Variants in RCC1L observed in about 807,000 individuals in gnomAD.
RCC1L encodes the protein RCC1 like, also known as RCC1-like G exchanging factor-like protein.
In RCC1L, 46 loss-of-function variants were observed where a neutral mutation model predicts 58.6. The ratio of observed to expected loss-of-function variants is 0.79; its 90% CI spans 0.62 to 1.00. The LOEUF is 1.00. RCC1L is among the 50% of genes least tolerant of loss of function. The probability of loss-of-function intolerance (pLI) is 0.00; values close to 1 mark genes in which losing one functional copy is unlikely to be tolerated. For missense variants in RCC1L, 636 were observed against 623.6 expected (o/e 1.02, Z -0.21); for synonymous variants, 281 against 262.9 (o/e 1.07, Z -0.67).
At chr7:75,028,062 G>A in exon 11 of RCC1L, 2 of 1,534,404 alleles carry the variant, frequency 1.3e-6, no homozygotes, top group Non-Finnish European at 1.7e-6. Context: ...TCTTGGCGCT[G>A]GCGGATGGGG....
chr7:75,041,653 G>A (rs1805569075), downstream of RCC1L, among the ~76,000 whole-genome samples: 1 of 152,008 alleles, frequency 6.6e-6, no homozygotes, highest in Non-Finnish European at 1.5e-5. Context: ...GAGGTCAGGA[G>A]TTCAAGACCA....
intron 10 of RCC1L, among the ~76,000 whole-genome samples, chr7:75,051,022 A>G (rs934114530): frequency 2.0e-5 from 3 of 152,054 alleles, no homozygotes; most frequent in African/African-American, 7.2e-5. Context: ...GAGCCCAGGA[A>G]GGTCAAGGCT....
chr7:75,069,013 C>T (rs1315735028), intron 2 of RCC1L, among the ~76,000 whole-genome samples: 5 of 151,880 alleles, frequency 3.3e-5, no homozygotes, highest in South Asian at 2.1e-4. Context: ...GGATTACAGG[C>T]GCGCGCCTCC....
chr7:75,051,091 T>C (rs1193419185), intron 10 of RCC1L, among the ~76,000 whole-genome samples: 6 of 151,372 alleles, frequency 4.0e-5, no homozygotes, highest in African/African-American at 1.5e-4. Flanking sequence ...TGAGACCCTG[T>C]CTCATAATAA....
At chr7:75,043,707 C>T (rs1256548168) in intron 10 of RCC1L, among the ~76,000 whole-genome samples, 3 of 152,216 alleles carry the variant, frequency 2.0e-5, no homozygotes, top group African/African-American at 4.8e-5. Context: ...CCCAGCTACT[C>T]GGGAGGCTGA....
At chr7:75,032,766 G>A (rs1168591701) in intron 10 of RCC1L, among the ~76,000 whole-genome samples, 1 of 152,018 alleles carries the variant, frequency 6.6e-6, no homozygotes, top group African/African-American at 2.4e-5. Context: ...CTGTCGCTCG[G>A]GCCTTCAGAT....
At chr7:75,072,149 C>CATATATATATATATATATATAT (rs1373236031) in intron 1 of RCC1L, among the ~76,000 whole-genome samples, 2 of 35,894 alleles carry the variant, frequency 5.6e-5, no homozygotes, top group Admixed American at 4.6e-4. Context: ...TATACATATA[C>CATATATATATATATATATATAT]ATATACATAT....
chr7:75,028,295 A>G (rs1037679664), intron 10 of RCC1L, among the ~76,000 whole-genome samples: 59 of 151,854 alleles, frequency 3.9e-4, no homozygotes, highest in Middle Eastern at 3.4e-3. Flanking sequence ...TAATTTTTGT[A>G]TTTTTGGTAG....
At chr7:75,052,889 C>A (rs587726672) in intron 9 of RCC1L, 93 bp from the exon 10 acceptor site, 69 of 1,185,766 alleles carry the variant, frequency 5.8e-5, no homozygotes, top group Admixed American at 4.5e-4. Context: ...TTTCTAGAAC[C>A]AGATACCTAC....
chr7:75,073,432 G>A lies in RCC1L; in HGVS notation c.306C>T (p.Arg102=), dbSNP rs1213738764. Residue 102 remains arginine (R), a synonymous_variant, in exon 1 of 11, where the codon CGC becomes CGT. Coordinates refer to ENST00000610322, the MANE Select transcript of RCC1L (RefSeq NM_030798.5). ...CCTGCACCTTTTGGTCCAGCTCCAG[G>A]CGATAGGGCACGGGCTGGATCCTGC... The part of the protein sequence containing the change: ...PRRRIQPVPY[R]LELDQKISSA... 2 of 1,324,246 alleles carry A rather than the reference G, an allele frequency of 1.5e-6. No individual in the cohort carries two copies. Among genetic ancestry groups the A allele is most frequent in the Admixed American group, 4.0e-5 (1 of 25,016 alleles). The allele number at this position is 1,324,246 out of a possible 1,614,324, so 82.0% of individuals were successfully genotyped here.
chr7:75,052,541 G>A (rs1805943880), intron 10 of RCC1L, among the ~76,000 whole-genome samples, 170 bp downstream of exon 10: 1 of 152,210 alleles, frequency 6.6e-6, no homozygotes, highest in Non-Finnish European at 1.5e-5. Context: ...TGTCACCACA[G>A]AGTGTGCAAT....
chr7:75,047,666 G>A (rs1159763106), intron 10 of RCC1L, among the ~76,000 whole-genome samples: 6 of 151,184 alleles, frequency 4.0e-5, no homozygotes, highest in African/African-American at 1.5e-4. Context: ...ATATTTTTTG[G>A]AGACAGAGTA....
At position 75,055,977 on chromosome 7, in the gene RCC1L, A is replaced by G. The variant is rs1406439350; in HGVS notation, c.1155T>C (p.Phe385=). ...TTTCTGGGTTGAACTCCGTCAAGCC[A>G]AAGAGAGTGGGTGGAATCATTTCAG... ...AVPEMIPPTL[F]GLTEFNPEIQ... is the part of the protein sequence containing the mutation. The change falls in exon 9 of 11, where the codon TTT becomes TTC. Residue 385 remains phenylalanine (F), a synonymous_variant. Coordinates refer to ENST00000610322, the MANE Select transcript of RCC1L (RefSeq NM_030798.5). The G allele has an allele frequency of 3.1e-6, 5 of 1,613,856 alleles. No homozygotes were observed. The highest frequency in any genetic ancestry group is 4.5e-5 in the East Asian group (2 of 44,888).
In RCC1L at chr7:75,058,713, C is replaced by T. The variant is rs1806166886; in HGVS notation, c.844G>A (p.Gly282Arg). ...GTGGCAACTTGGATAACGTTCACTC[C>T]CGCCAGGTCTCCACCCAGCTTGGTG... ...SPTKLGGDLA[G>R]VNVIQVATYG... Residue 282 changes from glycine to arginine, a missense_variant, in exon 7 of 11, where the codon GGA becomes AGA. Transcript: ENST00000610322. 2 of 1,613,842 alleles carry T rather than the reference C, an allele frequency of 1.2e-6. No individual in the cohort carries two copies. Among genetic ancestry groups the T allele is most frequent in the Non-Finnish European group, 1.7e-6 (2 of 1,179,868 alleles).
At chr7:75,054,308 G>C (rs1806011459) in intron 9 of RCC1L, among the ~76,000 whole-genome samples, 1 of 152,118 alleles carries the variant, frequency 6.6e-6, no homozygotes, top group South Asian at 2.1e-4. Flanking sequence ...ATCTGCAAAT[G>C]CCAGGCACAC....
chr7:75,073,799 T>A lies in RCC1L; in HGVS notation c.-62A>T. The A allele has an allele frequency of 6.7e-7, 1 of 1,499,744 alleles. No homozygotes were observed. The allele number at this position is 1,499,744 out of a possible 1,614,324, so 92.9% of individuals were successfully genotyped here. On this transcript the variant is annotated 5_prime_UTR_variant, in exon 1 of 11. Coordinates refer to ENST00000610322, the MANE Select transcript of RCC1L (RefSeq NM_030798.5). ...CATCTTGCGTGACCCTTAACACCAG[T>A]CCTCGCCGGAAGAGGCTACGGCCAC...
intron 10 of RCC1L, among the ~76,000 whole-genome samples, chr7:75,050,633 C>T (rs1451174009): frequency 6.6e-6 from 1 of 152,182 alleles, no homozygotes; most frequent in African/African-American, 2.4e-5. Context: ...AGAGAGGAGT[C>T]AGTGAGAAAG....
rs1806402657 is a variant in RCC1L, at chr7:75,064,736, C to T, written c.584-88G>A. The T allele has an allele frequency of 2.8e-6, 4 of 1,450,112 alleles. No homozygotes were observed. In the South Asian group the frequency reaches 3.4e-5, roughly 12 times the overall value. 89.8% of individuals were successfully genotyped at this position (1,450,112 alleles called of 1,614,324 possible). Reference sequence around the variant, plus strand: ...CTGGAAGGGGTCTCGCTGGTGGTCCCGTCCTGGTTACTCACCCCCACCCCC... The same window carrying T: ...CTGGAAGGGGTCTCGCTGGTGGTCCTGTCCTGGTTACTCACCCCCACCCCC... On this transcript the variant is annotated intron_variant, in intron 3 of 10. Coordinates refer to ENST00000610322, the MANE Select transcript of RCC1L (RefSeq NM_030798.5).
At chr7:75,069,066 A>G (rs587631510) in intron 2 of RCC1L, among the ~76,000 whole-genome samples, 2 of 151,700 alleles carry the variant, frequency 1.3e-5, no homozygotes, top group East Asian at 2.0e-4. Context: ...ACGGGGTTTC[A>G]CCATGTTGGT....
Sources: gnomAD v4.1 joint callset for allele counts (sites outside exome capture counted in the v4.1 genomes callset) on GRCh38, gnomAD v4.1.1 for gene constraint, MANE v1.5 for transcripts, NCBI Gene and HGNC (gene_info 2026-07-23, HGNC 2026-07-21) for gene names.